PCDH11X: variants seen among roughly 807,000 people sequenced by gnomAD.
PCDH11X encodes protocadherin-11 X-linked.
PCDH11X carries 18 observed loss-of-function variants against 53.3 expected under a neutral mutation model. The ratio of observed to expected loss-of-function variants is 0.34; its 90% CI spans 0.23 to 0.50. The LOEUF is 0.50. PCDH11X is among the 20% of genes least tolerant of loss of function. The probability of loss-of-function intolerance (pLI) is 0.98; values close to 1 mark genes in which losing one functional copy is unlikely to be tolerated. For synonymous variants in PCDH11X, 279 were observed against 393.3 expected (o/e 0.71, Z 3.44); for missense variants, 570 against 1,032.4 (o/e 0.55, Z 6.14).
chrX:92,189,545 C>T (rs1466644692), intron 6 of PCDH11X, among the ~76,000 whole-genome samples: 1 of 111,555 alleles, frequency 9.0e-6, no homozygotes, highest in Non-Finnish European at 1.9e-5. Context: ...GTATCTTTAA[C>T]ATAGGATGGT....
At chrX:92,002,621 G>A (rs2062529590) in intron 6 of PCDH11X, among the ~76,000 whole-genome samples, 1 of 109,464 alleles carries the variant, frequency 9.1e-6, no homozygotes, top group African/African-American at 3.3e-5. Flanking sequence ...CACTTCTTTG[G>A]TTAATTACTA....
chrX:92,260,188 C>T lies in PCDH11X; in HGVS notation c.3115-2926C>T, dbSNP rs111326856. Among the ~76,000 whole-genome samples, 152 of 111,055 alleles carry T rather than the reference C, an allele frequency of 1.4e-3. 2 individuals are homozygous for T. The highest frequency in any genetic ancestry group is 4.7e-3 in the African/African-American group (144 of 30,505). On this transcript the variant is annotated intron_variant, in intron 7 of 10. Coordinates refer to ENST00000682573, the MANE Select transcript of PCDH11X (RefSeq NM_032968.5). The stretch of plus-strand genomic sequence containing the variant: ...CACCTAAGAGTTGCAGTCCTTATGG[C>T]TTAGACTGCCTTTCAAGTTTACTTG...
chrX:91,822,544 T>G (rs1181620208), intron 4 of PCDH11X, among the ~76,000 whole-genome samples: 1 of 109,108 alleles, frequency 9.2e-6, no homozygotes, highest in African/African-American at 3.4e-5. Flanking sequence ...TTTTATTGCG[T>G]CTATTTGATT....
chrX:92,507,996 G>A (rs765037303), intron 10 of PCDH11X, among the ~76,000 whole-genome samples: 1 of 109,268 alleles, frequency 9.2e-6, no homozygotes, highest in Non-Finnish European at 1.9e-5. Flanking sequence ...TGTATTTTTA[G>A]TAGAGACGGG....
At chrX:92,020,094 C>A (rs1311675654) in intron 6 of PCDH11X, among the ~76,000 whole-genome samples, 1 of 112,573 alleles carries the variant, frequency 8.9e-6, no homozygotes, top group African/African-American at 3.2e-5. Context: ...TGAGCCCATG[C>A]CACCAGGGCC....
At chrX:92,313,911 T>TG (rs1282051143) in intron 8 of PCDH11X, among the ~76,000 whole-genome samples, 5 of 111,392 alleles carry the variant, frequency 4.5e-5, no homozygotes, top group African/African-American at 1.6e-4. Flanking sequence ...CTTGCAGGCC[T>TG]GGAAGTTGCT....
At chrX:92,206,617 C>A (rs781561615) in intron 7 of PCDH11X, among the ~76,000 whole-genome samples, 13 of 110,718 alleles carry the variant, frequency 1.2e-4, no homozygotes, top group Admixed American at 3.9e-4. Context: ...ACCTCTGCCC[C>A]CTGAGTTCAA....
At chrX:92,485,293 A>G (rs1227541220) in intron 10 of PCDH11X, among the ~76,000 whole-genome samples, 1 of 111,235 alleles carries the variant, frequency 9.0e-6, no homozygotes, top group Admixed American at 9.6e-5. Context: ...AATTAATGAT[A>G]AGAATAATGA....
chrX:92,077,122 A>G (rs1329662906), intron 6 of PCDH11X, among the ~76,000 whole-genome samples: 1 of 112,039 alleles, frequency 8.9e-6, no homozygotes, highest in Non-Finnish European at 1.9e-5. Flanking sequence ...GCCAGGGAAT[A>G]ATGGTGAGCA....
At chrX:92,320,214 GA>G (rs1193701290) in intron 8 of PCDH11X, among the ~76,000 whole-genome samples, 4 of 111,509 alleles carry the variant, frequency 3.6e-5, no homozygotes, top group Non-Finnish European at 7.5e-5. Context: ...CGGCTAGTGA[GA>G]AAAATAAAAT....
At chrX:92,447,497 G>T (rs1176173041) in intron 9 of PCDH11X, among the ~76,000 whole-genome samples, 1 of 111,705 alleles carries the variant, frequency 9.0e-6, no homozygotes, top group African/African-American at 3.3e-5. Context: ...AGCCTTGGCA[G>T]CTTCCATGTG....
chrX:91,953,478 A>T (rs2525363), intron 6 of PCDH11X, among the ~76,000 whole-genome samples: 16,462 of 109,317 alleles, frequency 0.15, 2,097 homozygotes, highest in African/African-American at 0.4. Flanking sequence ...GTACCCAAGT[A>T]AAAATTCTGC....
chrX:92,385,317 C>T (rs1471128876), intron 8 of PCDH11X, among the ~76,000 whole-genome samples: 7 of 102,494 alleles, frequency 6.8e-5, no homozygotes, highest in Non-Finnish European at 1.0e-4. Context: ...GATCAGAAGA[C>T]GACCTGAAGC....
chrX:91,847,984 C>T (rs1349443306), intron 5 of PCDH11X, among the ~76,000 whole-genome samples: 1 of 111,427 alleles, frequency 9.0e-6, no homozygotes, highest in African/African-American at 3.3e-5. Context: ...AATGTCTTGC[C>T]AAGTTACTAA....
chrX:91,871,586 C>T (rs1469760439), intron 5 of PCDH11X, among the ~76,000 whole-genome samples: 5 of 109,014 alleles, frequency 4.6e-5, no homozygotes, highest in African/African-American at 1.7e-4. Flanking sequence ...TGGTGTCTTG[C>T]ACATGCATGT....
At chrX:92,184,495 A>G (rs1008112982) in intron 6 of PCDH11X, among the ~76,000 whole-genome samples, 7 of 111,967 alleles carry the variant, frequency 6.3e-5, no homozygotes, top group Non-Finnish European at 1.1e-4. Context: ...TAGAATTTGT[A>G]AGGAACCACA....
intron 6 of PCDH11X, among the ~76,000 whole-genome samples, chrX:92,157,560 C>T (rs1448677602): frequency 1.8e-5 from 2 of 111,392 alleles, no homozygotes; most frequent in East Asian, 2.8e-4. Flanking sequence ...TTTTAAAGCA[C>T]GTCAGGGAAA....
chrX:92,406,776 A>T, intron 9 of PCDH11X, among the ~76,000 whole-genome samples: 1 of 107,053 alleles, frequency 9.3e-6, no homozygotes, highest in East Asian at 3.0e-4. Context: ...AAAGAAAAAA[A>T]ATCAGCAGGA....
chrX:92,523,368 C>G (rs771391691), intron 10 of PCDH11X, among the ~76,000 whole-genome samples: 17 of 111,886 alleles, frequency 1.5e-4, no homozygotes, highest in African/African-American at 5.2e-4. Context: ...AATGTTGCAT[C>G]CAGTCATTTC....
Sources: gnomAD v4.1 joint callset for allele counts (sites outside exome capture counted in the v4.1 genomes callset) on GRCh38, gnomAD v4.1.1 for gene constraint, MANE v1.5 for transcripts, NCBI Gene and HGNC (gene_info 2026-07-23, HGNC 2026-07-21) for gene names.